Variants in POU2F1 observed in about 807,000 individuals in gnomAD.
POU2F1 encodes the protein POU domain, class 2, transcription factor 1.
POU2F1 carries 16 observed loss-of-function variants against 84.9 expected under a neutral mutation model. That is an observed-to-expected ratio of 0.19 (90% CI 0.13 to 0.29). POU2F1 has a LOEUF of 0.29. POU2F1 is among the 10% of genes least tolerant of loss of function. The pLI, the probability that POU2F1 is intolerant of heterozygous loss-of-function variation, is 1.00. For missense variants in POU2F1, 738 were observed against 942.6 expected (o/e 0.78, Z 2.84); for synonymous variants, 368 against 368.3 (o/e 1.00, Z 0.01).
chr1:167,355,398 G>A (rs1288649259), intron 2 of POU2F1, among the ~76,000 whole-genome samples: 2 of 151,904 alleles, frequency 1.3e-5, no homozygotes, highest in Non-Finnish European at 2.9e-5. Flanking sequence ...ATACCACACT[G>A]CCTCAATTAT....
chr1:167,381,027 A>G (rs1647496615), intron 7 of POU2F1: 1 of 152,048 alleles, frequency 6.6e-6, no homozygotes. Context: ...ACTGTTGTTC[A>G]TTTGAGTTTT....
At chr1:167,267,065 ATAGTAT>A (rs1350319147) in intron 1 of POU2F1, among the ~76,000 whole-genome samples, 2 of 152,190 alleles carry the variant, frequency 1.3e-5, no homozygotes, top group African/African-American at 4.8e-5. Flanking sequence ...ACCTGTATTA[ATAGTAT>A]TAGTATTGTG....
In POU2F1 at chr1:167,396,155, C is replaced by T. The variant is rs143509327; in HGVS notation, c.988-131C>T. On this transcript the variant is annotated intron_variant, in intron 9 of 15. Transcript: ENST00000367866. ...TAGGGATGGAGTTTATGTGGGACCC[C>T]GTAAGTGGAATAATTACTGACTCCT... The T allele has an allele frequency of 1.2e-3, 1,267 of 1,069,672 alleles. 14 individuals are homozygous for T. The African/African-American group carries it at 0.018, about 15-fold the overall frequency. The allele number at this position is 1,069,672 out of a possible 1,614,324, so 66.3% of individuals were successfully genotyped here.
chr1:167,308,545 C>T (rs910832046), intron 1 of POU2F1, among the ~76,000 whole-genome samples: 2 of 152,112 alleles, frequency 1.3e-5, no homozygotes, highest in Non-Finnish European at 2.9e-5. Context: ...TCCCTTCCTC[C>T]TTCCCTGGTC....
rs769229008 is a variant in POU2F1, at chr1:167,332,498, C to T, written c.90C>T (p.Thr30=). 1.9e-6 allele frequency: 3 copies of T among 1,610,328 alleles called. No homozygotes were observed. In the African/African-American group the frequency reaches 4.0e-5, roughly 22 times the overall value. Residue 30 remains threonine (T), a synonymous_variant, in exon 2 of 16, where the codon ACC becomes ACT. Transcript: ENST00000367866. ...CAAGAATGAACAATCCGTCAGAAAC[C>T]AGTAAACCATCTATGGAGAGTGGAG... The part of the protein sequence containing the change: ...ADSRMNNPSE[T]SKPSMESGDG...
intron 15 of POU2F1, chr1:167,414,464 A>G: frequency 3.0e-6 from 3 of 985,474 alleles, no homozygotes; most frequent in Non-Finnish European, 3.6e-6. Flanking sequence ...GCTATATTTT[A>G]TGTAAGAAAT....
chr1:167,360,837 T>C (rs1322209942), intron 2 of POU2F1, among the ~76,000 whole-genome samples: 1 of 152,224 alleles, frequency 6.6e-6, no homozygotes, highest in African/African-American at 2.4e-5. Flanking sequence ...CATGGAATTA[T>C]TTTCTATTTG....
intron 1 of POU2F1, among the ~76,000 whole-genome samples, chr1:167,329,465 GCTTA>G (rs1453176524): frequency 2.6e-5 from 4 of 152,162 alleles, no homozygotes; most frequent in African/African-American, 7.2e-5. Context: ...CAAAGCACAA[GCTTA>G]CTTGAATTTG....
intron 1 of POU2F1, among the ~76,000 whole-genome samples, chr1:167,321,440 A>G (rs1256794035): frequency 1.3e-5 from 2 of 152,238 alleles, no homozygotes; most frequent in Non-Finnish European, 2.9e-5. Context: ...GGAGAAGGCA[A>G]TCCTGGCTGT....
chr1:167,390,902 A>C (rs1050674614), intron 9 of POU2F1, among the ~76,000 whole-genome samples: 8 of 152,232 alleles, frequency 5.3e-5, no homozygotes, highest in South Asian at 4.1e-4. Context: ...CCTATGCTAA[A>C]ACCAGTTAAT....
At chr1:167,254,987 A>G (rs891342844) in intron 1 of POU2F1, among the ~76,000 whole-genome samples, 1 of 152,182 alleles carries the variant, frequency 6.6e-6, no homozygotes, top group Non-Finnish European at 1.5e-5. Context: ...TAGGCAGATT[A>G]TCATCTGTTT....
In POU2F1 at chr1:167,418,782, C is replaced by A. The variant is rs1038371501; in HGVS notation, c.*2972C>A. 1 of 151,962 alleles carries A rather than the reference C, an allele frequency of 6.6e-6. No individual in the cohort carries two copies. The highest frequency in any genetic ancestry group is 2.1e-4 in the South Asian group (1 of 4,816). 9.4% of individuals were successfully genotyped at this position (151,962 alleles called of 1,614,324 possible). A position where few individuals can be genotyped will look rare whatever the true frequency, so the allele number is the denominator to read the frequency against. ...CAATACAGTGGTCTTTTATTCCCTG[C>A]CCTGTCTATATTTTCTACTCAATTT... is the stretch of plus-strand genomic sequence containing the variant. On this transcript the variant is annotated 3_prime_UTR_variant, in exon 16 of 16. Coordinates refer to ENST00000367866, the MANE Select transcript of POU2F1 (RefSeq NM_002697.4).
At chr1:167,364,287 T>G (rs1659525241) in intron 2 of POU2F1, among the ~76,000 whole-genome samples, 1 of 151,936 alleles carries the variant, frequency 6.6e-6, no homozygotes, top group Non-Finnish European at 1.5e-5. Context: ...TCCCAGCACT[T>G]TGGGAGGCCG....
intron 1 of POU2F1, among the ~76,000 whole-genome samples, chr1:167,254,695 T>C (rs1293096339): frequency 6.6e-6 from 1 of 152,238 alleles, no homozygotes; most frequent in Non-Finnish European, 1.5e-5. Context: ...TAATGTTTAG[T>C]TCTCATTATC....
intron 1 of POU2F1, among the ~76,000 whole-genome samples, chr1:167,276,206 C>T (rs1172418124): frequency 6.6e-6 from 1 of 152,062 alleles, no homozygotes; most frequent in East Asian, 1.9e-4. Context: ...GGACGTGAAT[C>T]TTTCCTTTGT....
intron 1 of POU2F1, among the ~76,000 whole-genome samples, chr1:167,258,878 G>A (rs1017387190): frequency 2.0e-4 from 30 of 152,288 alleles, no homozygotes; most frequent in African/African-American, 6.3e-4. Context: ...CAAGTTTAGT[G>A]TTTCTTATCA....
intron 2 of POU2F1, among the ~76,000 whole-genome samples, chr1:167,348,621 C>T (rs1406070674): frequency 1.3e-5 from 2 of 151,876 alleles, no homozygotes; most frequent in African/African-American, 4.8e-5. Flanking sequence ...TCCTTTTTTC[C>T]AATGTTTTTG....
intron 3 of POU2F1, 47 bp downstream of exon 3, chr1:167,365,614 G>C: frequency 1.4e-6 from 2 of 1,388,230 alleles, no homozygotes; most frequent in Non-Finnish European, 2.0e-6. Context: ...AGATAGAGGC[G>C]TAAAGTACTG....
chr1:167,259,322 G>A lies in POU2F1; in HGVS notation c.61+38364G>A, dbSNP rs530280051. Among the ~76,000 whole-genome samples, 44 of 152,262 alleles carry A rather than the reference G, an allele frequency of 2.9e-4. No individual in the cohort carries two copies. In the South Asian group the frequency reaches 3.5e-3, roughly 12 times the overall value. On this transcript the variant is annotated intron_variant, in intron 1 of 15. Coordinates refer to ENST00000367866, the MANE Select transcript of POU2F1 (RefSeq NM_002697.4). ...AGGGATGCAGCTCTTGATGGGAGGA[G>A]CAGCAAAGGCACACTGCAAAATGGC...
Sources: allele counts gnomAD v4.1 joint callset (sites outside exome capture counted in the v4.1 genomes callset), GRCh38; gene constraint gnomAD v4.1.1; transcripts MANE v1.5; gene names NCBI Gene and HGNC (gene_info 2026-07-23, HGNC 2026-07-21).